The following MTHFD2L variants were observed in gnomAD, a reference collection of about 807,000 sequenced individuals.
MTHFD2L encodes the protein methylenetetrahydrofolate dehydrogenase (NADP+ dependent) 2 like.
MTHFD2L carries 29 observed loss-of-function variants against 34.9 expected under a neutral mutation model. The ratio of observed to expected loss-of-function variants is 0.83; its 90% CI spans 0.62 to 1.13. MTHFD2L has a LOEUF of 1.13. Ranked by LOEUF, MTHFD2L falls within the 50% of genes most tolerant of loss-of-function variation. The probability of loss-of-function intolerance (pLI) is 0.00; values close to 1 mark genes in which losing one functional copy is unlikely to be tolerated. For synonymous variants in MTHFD2L, 167 were observed against 155.7 expected (o/e 1.07, Z -0.54); for missense variants, 481 against 446.5 (o/e 1.08, Z -0.70).
chr4:74,299,627 T>C (rs1750046841), intron 7 of MTHFD2L, among the ~76,000 whole-genome samples: 1 of 152,034 alleles, frequency 6.6e-6, no homozygotes, highest in Admixed American at 6.6e-5. Flanking sequence ...ATTGATATTG[T>C]TTACATCCAG....
chr4:74,129,883 A>G (rs1722347098), intron 1 of MTHFD2L, among the ~76,000 whole-genome samples: 1 of 152,208 alleles, frequency 6.6e-6, no homozygotes, highest in African/African-American at 2.4e-5. Flanking sequence ...AATAGACACA[A>G]TAAAAAATGA....
At chr4:74,126,063 T>G (rs909820512) in intron 1 of MTHFD2L, among the ~76,000 whole-genome samples, 1 of 152,164 alleles carries the variant, frequency 6.6e-6, no homozygotes, top group Non-Finnish European at 1.5e-5. Flanking sequence ...AGGCCCAGGT[T>G]GGAAATATTG....
At chr4:74,206,415 T>G (rs1478043212) in intron 5 of MTHFD2L, among the ~76,000 whole-genome samples, 1 of 152,082 alleles carries the variant, frequency 6.6e-6, no homozygotes, top group Non-Finnish European at 1.5e-5. Flanking sequence ...CCAGACTTAG[T>G]CTGTCTGTCT....
chr4:74,292,377 GT>G (rs556218824), intron 7 of MTHFD2L, among the ~76,000 whole-genome samples: 5 of 151,592 alleles, frequency 3.3e-5, no homozygotes, highest in African/African-American at 7.3e-5. Flanking sequence ...ACTGTGATGA[GT>G]TTTTTTTTAT....
chr4:74,199,697 A>G, intron 3 of MTHFD2L, 97 bp from the exon 4 acceptor site: 3 of 1,049,880 alleles, frequency 2.9e-6, no homozygotes, highest in Non-Finnish European at 4.0e-6. Flanking sequence ...TTAGAGCCGA[A>G]TTATAAGTGA....
intron 1 of MTHFD2L, among the ~76,000 whole-genome samples, chr4:74,147,026 G>A (rs1408635060): frequency 2.0e-5 from 3 of 151,958 alleles, no homozygotes; most frequent in Non-Finnish European, 4.4e-5. Context: ...ATACATTTCT[G>A]AATTGCTTTT....
chr4:74,272,487 AT>A (rs1746121060), intron 6 of MTHFD2L, among the ~76,000 whole-genome samples: 1 of 152,074 alleles, frequency 6.6e-6, no homozygotes, highest in South Asian at 2.1e-4. Context: ...AAGCACTTCC[AT>A]TTTTACATCC....
rs1724528126 is a variant in MTHFD2L, at chr4:74,158,137, C to T, written c.-2C>T. On this transcript the variant is annotated 5_prime_UTR_variant, in exon 1 of 8. Coordinates refer to ENST00000325278, the MANE Select transcript of MTHFD2L (RefSeq NM_001144978.3). ...CAGTCCGGAAGCCGGGGATCCGCGG[C>T]CATGACGGTGCCGGTCCGCGGCTTC... is the stretch of plus-strand genomic sequence containing the variant. 5 of 1,530,796 alleles carry T rather than the reference C, an allele frequency of 3.3e-6. No individual in the cohort carries two copies. The highest frequency in any genetic ancestry group is 2.0e-5 in the Admixed American group (1 of 49,952). The allele number at this position is 1,530,796 out of a possible 1,614,324, so 94.8% of individuals were successfully genotyped here.
At chr4:74,139,176 T>C (rs1723134895) in intron 1 of MTHFD2L, among the ~76,000 whole-genome samples, 1 of 152,204 alleles carries the variant, frequency 6.6e-6, no homozygotes, top group Non-Finnish European at 1.5e-5. Context: ...GTCTCTTATT[T>C]GGCAGTAGAA....
At chr4:74,199,507 A>G (rs769985274) in intron 3 of MTHFD2L, among the ~76,000 whole-genome samples, 21 of 152,142 alleles carry the variant, frequency 1.4e-4, no homozygotes, top group Non-Finnish European at 2.9e-4. Context: ...GGCTATTACC[A>G]GATCTCATTG....
chr4:74,230,942 A>G (rs1413960139), intron 6 of MTHFD2L, among the ~76,000 whole-genome samples: 1 of 152,136 alleles, frequency 6.6e-6, no homozygotes, highest in African/African-American at 2.4e-5. Context: ...GTAAACTCTG[A>G]AACTATATTC....
chr4:74,149,104 A>C (rs934094013), intron 1 of MTHFD2L, among the ~76,000 whole-genome samples: 2 of 151,828 alleles, frequency 1.3e-5, no homozygotes, highest in East Asian at 3.9e-4. Flanking sequence ...AGACTTTGCC[A>C]TGATTCCAGC....
At chr4:74,286,785 G>A (rs956208452) in intron 7 of MTHFD2L, among the ~76,000 whole-genome samples, 3 of 152,154 alleles carry the variant, frequency 2.0e-5, no homozygotes, top group Non-Finnish European at 4.4e-5. Context: ...AAGAACTGGA[G>A]TGTCTATTCC....
intron 6 of MTHFD2L, among the ~76,000 whole-genome samples, chr4:74,248,985 T>G (rs1358951234): frequency 1.3e-5 from 2 of 152,132 alleles, no homozygotes; most frequent in Non-Finnish European, 2.9e-5. Flanking sequence ...GTTCTGTAGA[T>G]GTGTATTAGG....
chr4:74,300,933 A>C (rs1395025260), intron 7 of MTHFD2L, among the ~76,000 whole-genome samples: 9 of 152,082 alleles, frequency 5.9e-5, no homozygotes, highest in African/African-American at 2.2e-4. Flanking sequence ...TTGGTTGATC[A>C]TGGTTGTTCA....
At chr4:74,157,348 T>C (rs1258471871), upstream of MTHFD2L, 2 of 269,608 alleles carry the variant, frequency 7.4e-6, no homozygotes, top group East Asian at 2.1e-4. Flanking sequence ...CCTGTTAACT[T>C]CCCAGCTGGT....
chr4:74,149,715 C>A (rs1379339280), intron 1 of MTHFD2L, among the ~76,000 whole-genome samples: 1 of 152,148 alleles, frequency 6.6e-6, no homozygotes, highest in Non-Finnish European at 1.5e-5. Flanking sequence ...CTAATTCCCA[C>A]GTTGTGTGGT....
intron 5 of MTHFD2L, among the ~76,000 whole-genome samples, chr4:74,207,013 G>C (rs1279012676): frequency 3.9e-5 from 6 of 152,020 alleles, no homozygotes; most frequent in Non-Finnish European, 7.4e-5. Flanking sequence ...TGATCCTCCT[G>C]TTGGGAGCAC....
chr4:74,262,442 C>G (rs539233545), intron 6 of MTHFD2L, among the ~76,000 whole-genome samples: 19 of 151,858 alleles, frequency 1.3e-4, no homozygotes, highest in African/African-American at 4.6e-4. Flanking sequence ...ACAAGTGCCT[C>G]TTAGAGTTAA....
Sources: gnomAD v4.1 joint callset for allele counts (sites outside exome capture counted in the v4.1 genomes callset) on GRCh38, gnomAD v4.1.1 for gene constraint, MANE v1.5 for transcripts, NCBI Gene and HGNC (gene_info 2026-07-23, HGNC 2026-07-21) for gene names.